The following ADAM12 variants were observed in gnomAD, a reference collection of about 807,000 sequenced individuals.
ADAM12 encodes ADAM metallopeptidase domain 12, also known as disintegrin and metalloproteinase domain-containing protein 12.
ADAM12 carries 70 observed loss-of-function variants against 106.4 expected under a neutral mutation model. The observed-to-expected ratio is 0.66, with a 90% CI of 0.54 to 0.80. The LOEUF is 0.80. Ranked by LOEUF, ADAM12 falls within the 30% of genes least tolerant of loss-of-function variation. The probability of loss-of-function intolerance (pLI) is 0.00; values close to 1 mark genes in which losing one functional copy is unlikely to be tolerated. For synonymous variants in ADAM12, 420 were observed against 433.5 expected (o/e 0.97, Z 0.39); for missense variants, 1,010 against 1,171.9 (o/e 0.86, Z 2.02).
chr10:126,199,978 G>A (rs543405938), intron 3 of ADAM12, among the ~76,000 whole-genome samples: 7 of 152,180 alleles, frequency 4.6e-5, no homozygotes, highest in African/African-American at 1.2e-4. Flanking sequence ...TCTTCCACAC[G>A]CACCATGACC....
intron 3 of ADAM12, among the ~76,000 whole-genome samples, chr10:126,193,251 C>A (rs963188120): frequency 9.1e-6 from 1 of 110,452 alleles, no homozygotes; most frequent in Admixed American, 1.4e-4. Flanking sequence ...GGCGACAGAG[C>A]GAGACTCCAT....
chr10:126,242,056 G>T (rs1339747069), intron 3 of ADAM12, among the ~76,000 whole-genome samples: 1 of 150,698 alleles, frequency 6.6e-6, no homozygotes, highest in Non-Finnish European at 1.5e-5. Context: ...GAATCACTCT[G>T]CTTGTTTCAA....
chr10:126,271,670 T>A (rs571804279), intron 3 of ADAM12, among the ~76,000 whole-genome samples: 1 of 152,222 alleles, frequency 6.6e-6, no homozygotes, highest in African/African-American at 2.4e-5. Flanking sequence ...GAGGCTGAGG[T>A]GGGAGGATCA....
intron 1 of ADAM12, among the ~76,000 whole-genome samples, chr10:126,349,129 A>G (rs1855260213): frequency 6.6e-6 from 1 of 152,250 alleles, no homozygotes. Flanking sequence ...ACAGAATTTG[A>G]GACCAAATAA....
intron 3 of ADAM12, among the ~76,000 whole-genome samples, chr10:126,182,855 G>T (rs1426788186): frequency 6.6e-6 from 1 of 152,216 alleles, no homozygotes; most frequent in East Asian, 1.9e-4. Context: ...CTCCTGGCAC[G>T]CAAGCGTGCA....
intron 2 of ADAM12, among the ~76,000 whole-genome samples, chr10:126,305,850 A>T (rs1960822483): frequency 1.3e-5 from 2 of 152,022 alleles, no homozygotes; most frequent in Admixed American, 1.3e-4. Context: ...TCCTGTCTTA[A>T]ATCGACTATA....
chr10:126,081,098 A>T (rs7920391), intron 11 of ADAM12, among the ~76,000 whole-genome samples: 1 of 151,970 alleles, frequency 6.6e-6, no homozygotes. Context: ...GCTGGATTCA[A>T]GGGGGCTGCA....
chr10:126,367,881 G>A (rs1033960701), intron 1 of ADAM12, among the ~76,000 whole-genome samples: 10 of 151,844 alleles, frequency 6.6e-5, no homozygotes, highest in Admixed American at 2.0e-4. Context: ...AATCTTATAC[G>A]AACTCTTTCA....
In ADAM12 at chr10:126,157,011, T is replaced by C. The variant is rs1018998724; in HGVS notation, c.261-1706A>G. Reference sequence around the variant, plus strand: ...AGACACTCTCCACTCTTCACACCGTTTGGTTTTGTGTGTGTGTGTGTGGGG... The same window carrying C: ...AGACACTCTCCACTCTTCACACCGTCTGGTTTTGTGTGTGTGTGTGTGGGG... On this transcript the variant is annotated intron_variant, in intron 3 of 22. Transcript: ENST00000448723. 4.1e-5 allele frequency among the ~76,000 whole-genome samples: 6 copies of C among 144,728 alleles called. No homozygotes were observed. In the Admixed American group the frequency reaches 4.2e-4, roughly 10 times the overall value. 94.9% of individuals were successfully genotyped at this position (144,728 alleles called of 152,430 possible).
At chr10:126,323,981 A>T (rs183549832) in intron 2 of ADAM12, among the ~76,000 whole-genome samples, 25 of 152,226 alleles carry the variant, frequency 1.6e-4, no homozygotes, top group African/African-American at 5.8e-4. Flanking sequence ...GGAAGTAAGA[A>T]GCTTGCCTCA....
At chr10:126,258,409 G>GC (rs923298781) in intron 3 of ADAM12, among the ~76,000 whole-genome samples, 15 of 151,460 alleles carry the variant, frequency 9.9e-5, no homozygotes, top group Non-Finnish European at 1.8e-4. Flanking sequence ...CCCCACCCGT[G>GC]CCCCACACGC....
intron 3 of ADAM12, among the ~76,000 whole-genome samples, chr10:126,241,340 C>T (rs1278561113): frequency 6.6e-6 from 1 of 152,136 alleles, no homozygotes; most frequent in Non-Finnish European, 1.5e-5. Flanking sequence ...TAGCAGAACC[C>T]ACTGAAACTG....
chr10:126,047,761 AT>A (rs1447453789), intron 16 of ADAM12, among the ~76,000 whole-genome samples: 1 of 152,202 alleles, frequency 6.6e-6, no homozygotes, highest in Non-Finnish European at 1.5e-5. Context: ...TAAAACAGAA[AT>A]TACCATTTGA....
At chr10:126,144,213 T>G (rs1199244387) in intron 4 of ADAM12, among the ~76,000 whole-genome samples, 1 of 152,206 alleles carries the variant, frequency 6.6e-6, no homozygotes, top group Non-Finnish European at 1.5e-5. Flanking sequence ...ACAGCACGTC[T>G]GCAATAGTGA....
chr10:126,086,680 A>AAAAATATATATATATATATATATAT (rs1554966976), intron 11 of ADAM12, among the ~76,000 whole-genome samples: 1 of 24,274 alleles, frequency 4.1e-5, no homozygotes. Context: ...AAAAAAAAAA[A>AAAAATATATATATATATATATATAT]ATATATATAT....
chr10:126,338,703 C>T (rs377596698), intron 1 of ADAM12, among the ~76,000 whole-genome samples: 160 of 152,270 alleles, frequency 1.1e-3, no homozygotes, highest in African/African-American at 3.7e-3. Flanking sequence ...AAGCCCTTTG[C>T]ATGTCAAATA....
intron 3 of ADAM12, among the ~76,000 whole-genome samples, chr10:126,181,018 T>A (rs1010000630): frequency 1.3e-5 from 2 of 151,956 alleles, no homozygotes; most frequent in African/African-American, 4.8e-5. Context: ...CTGATTAACA[T>A]AAATAACTAA....
At chr10:126,138,818 T>TTTTCC (rs1554974565) in intron 4 of ADAM12, among the ~76,000 whole-genome samples, 1 of 52,206 alleles carries the variant, frequency 1.9e-5, no homozygotes, top group African/African-American at 5.8e-5. Context: ...TACACATATC[T>TTTTCC]TTTTCTTTTT....
chr10:126,188,256 A>G (rs925852107), intron 3 of ADAM12, among the ~76,000 whole-genome samples: 7 of 152,138 alleles, frequency 4.6e-5, no homozygotes, highest in Non-Finnish European at 1.0e-4. Flanking sequence ...AGCTTTTACA[A>G]CTCAAAGCAA....
Sources: gnomAD v4.1 joint callset for allele counts (sites outside exome capture counted in the v4.1 genomes callset) on GRCh38, gnomAD v4.1.1 for gene constraint, MANE v1.5 for transcripts, NCBI Gene and HGNC (gene_info 2026-07-23, HGNC 2026-07-21) for gene names.